NEBL: variants seen among roughly 807,000 people sequenced by gnomAD.
NEBL encodes the protein nebulette.
NEBL carries 122 observed loss-of-function variants against 140.2 expected under a neutral mutation model. That is an observed-to-expected ratio of 0.87 (90% CI 0.75 to 1.01). The LOEUF is 1.01. Ranked by LOEUF, NEBL falls within the 50% of genes least tolerant of loss-of-function variation. The pLI is 0.00. For missense variants in NEBL, 1,365 were observed against 1,231.3 expected, an observed-to-expected ratio of 1.11 and a Z score of -1.62; for synonymous variants, 436 against 398.9, an observed-to-expected ratio of 1.09 and a Z score of -1.11.
chr10:21,150,363 A>T (rs2132125113), intron 2 of NEBL, among the ~76,000 whole-genome samples: 1 of 152,350 alleles, frequency 6.6e-6, no homozygotes, highest in South Asian at 2.1e-4. Context: ...TTCCCAAAAA[A>T]GTCACTTTGG....
intron 24 of NEBL, 45 bp from the exon 25 acceptor site, chr10:20,809,943 A>T (rs768110112): frequency 1.4e-5 from 17 of 1,242,890 alleles, no homozygotes; most frequent in Non-Finnish European, 1.6e-5. Context: ...GAAGGAATTT[A>T]AAAAAGGAAA....
intron 2 of NEBL, among the ~76,000 whole-genome samples, chr10:21,044,376 G>A (rs1485912923): frequency 8.5e-6 from 1 of 118,238 alleles, no homozygotes; most frequent in Non-Finnish European, 1.6e-5. Flanking sequence ...CAGCCTGGGT[G>A]ACTGGGTGAC....
chr10:20,805,179 A>G (rs1564339333), intron 26 of NEBL, among the ~76,000 whole-genome samples: 1 of 152,206 alleles, frequency 6.6e-6, no homozygotes, highest in Non-Finnish European at 1.5e-5. Context: ...TGTAGTTGTC[A>G]CTTAGCAAAC....
chr10:20,854,416 CA>C (rs1300139365), intron 9 of NEBL, among the ~76,000 whole-genome samples: 2 of 152,146 alleles, frequency 1.3e-5, no homozygotes, highest in Non-Finnish European at 2.9e-5. Flanking sequence ...TCTAGTGGGA[CA>C]AAGCAATAGT....
At chr10:21,129,995 T>C (rs1014921812) in intron 2 of NEBL, among the ~76,000 whole-genome samples, 9 of 152,110 alleles carry the variant, frequency 5.9e-5, no homozygotes, top group Admixed American at 2.0e-4. Flanking sequence ...ATATTTTGTC[T>C]ACAAGAAACC....
chr10:20,914,295 A>T (rs1274598977), intron 4 of NEBL, among the ~76,000 whole-genome samples: 2 of 152,248 alleles, frequency 1.3e-5, no homozygotes, highest in African/African-American at 4.8e-5. Context: ...GTGTATTTGG[A>T]GAAAAGCAGA....
intron 2 of NEBL, among the ~76,000 whole-genome samples, chr10:21,116,611 C>CTGT (rs1259761581): frequency 6.6e-6 from 1 of 151,976 alleles, no homozygotes; most frequent in Non-Finnish European, 1.5e-5. Flanking sequence ...TTTCTATATA[C>CTGT]TGTTTTTCTC....
chr10:21,165,332 C>T (rs1840715911), intron 2 of NEBL, among the ~76,000 whole-genome samples: 1 of 152,176 alleles, frequency 6.6e-6, no homozygotes, highest in South Asian at 2.1e-4. Context: ...GATCAGAAAA[C>T]GTGAGACTAT....
intron 3 of NEBL, among the ~76,000 whole-genome samples, chr10:20,999,524 A>AG (rs372705921): frequency 9.2e-5 from 14 of 152,296 alleles, no homozygotes; most frequent in African/African-American, 3.1e-4. Context: ...ACTTGAGCCC[A>AG]GGAGGTTGAG....
intron 4 of NEBL, among the ~76,000 whole-genome samples, chr10:20,947,419 T>C (rs545321724): frequency 6.6e-6 from 1 of 152,252 alleles, no homozygotes; most frequent in South Asian, 2.1e-4. Flanking sequence ...ACTCACCTGC[T>C]CCCCTCTTCT....
At chr10:20,886,472 T>G (rs746287981) in intron 4 of NEBL, among the ~76,000 whole-genome samples, 79 of 152,048 alleles carry the variant, frequency 5.2e-4, no homozygotes, top group Non-Finnish European at 2.4e-4. Flanking sequence ...GAGGTTGCAG[T>G]GAGCTGAGAT....
At chr10:21,014,453 T>C (rs1164269154) in intron 3 of NEBL, among the ~76,000 whole-genome samples, 4 of 152,196 alleles carry the variant, frequency 2.6e-5, no homozygotes, top group Non-Finnish European at 5.9e-5. Flanking sequence ...TGGGCAATCA[T>C]ACAGAGTGGG....
chr10:20,835,431 C>T, intron 14 of NEBL, 82 bp downstream of exon 14: 2 of 1,014,160 alleles, frequency 2.0e-6, no homozygotes, highest in South Asian at 2.5e-5. Context: ...TTGAGAAATT[C>T]CATATAGTAA....
chr10:21,104,425 T>TGGAA (rs1837617546), intron 2 of NEBL, among the ~76,000 whole-genome samples: 1 of 152,214 alleles, frequency 6.6e-6, no homozygotes, highest in Non-Finnish European at 1.5e-5. Flanking sequence ...ATTTTGTAGT[T>TGGAA]TCCAGTGTAG....
chr10:20,899,514 C>A (rs191835227), upstream of NEBL: 2 of 919,458 alleles, frequency 2.2e-6, no homozygotes, highest in East Asian at 1.4e-4. Flanking sequence ...CCAAACACCA[C>A]GTGCAATGTG....
intron 3 of NEBL, among the ~76,000 whole-genome samples, chr10:21,013,959 G>A (rs577982839): frequency 3.3e-5 from 5 of 152,144 alleles, no homozygotes; most frequent in South Asian, 2.1e-4. Flanking sequence ...AATGGGATCC[G>A]GAGCTGAGCA....
At chr10:20,847,110 T>TA (rs1252449528) in intron 11 of NEBL, among the ~76,000 whole-genome samples, 1 of 152,124 alleles carries the variant, frequency 6.6e-6, no homozygotes, top group Non-Finnish European at 1.5e-5. Context: ...CTCTTGGGAA[T>TA]AAAAAAACAT....
At chr10:21,096,420 T>G (rs1362432112) in intron 2 of NEBL, among the ~76,000 whole-genome samples, 1 of 152,142 alleles carries the variant, frequency 6.6e-6, no homozygotes, top group African/African-American at 2.4e-5. Context: ...AAAAGCCCTT[T>G]TATTAAAGAG....
intron 10 of NEBL, among the ~76,000 whole-genome samples, chr10:20,851,876 A>G (rs1159989444): frequency 1.3e-5 from 2 of 152,202 alleles, no homozygotes; most frequent in Admixed American, 1.3e-4. Flanking sequence ...TGTTTCGTAT[A>G]TTTTTAAAAC....
Sources: gnomAD v4.1 joint callset for allele counts (sites outside exome capture counted in the v4.1 genomes callset) on GRCh38, gnomAD v4.1.1 for gene constraint, MANE v1.5 for transcripts, NCBI Gene and HGNC (gene_info 2026-07-23, HGNC 2026-07-21) for gene names.